The following C8orf34 variants were observed in gnomAD, a reference collection of about 807,000 sequenced individuals.
The protein encoded by C8orf34 is chromosome 8 open reading frame 34.
Under a neutral mutation model 68.3 loss-of-function variants are expected in C8orf34, and 65 were observed. The ratio of observed to expected loss-of-function variants is 0.95; its 90% CI spans 0.78 to 1.17. The LOEUF is 1.17. Among genes scored for constraint, C8orf34 ranks in the 50% most tolerant of loss-of-function variants. The pLI is 0.00. For synonymous variants in C8orf34, 244 were observed against 241.2 expected (o/e 1.01, Z -0.11); for missense variants, 664 against 655.4 (o/e 1.01, Z -0.14).
intron 1 of C8orf34, among the ~76,000 whole-genome samples, chr8:68,431,743 A>G (rs965808464): frequency 6.6e-6 from 1 of 152,216 alleles, no homozygotes; most frequent in African/African-American, 2.4e-5. Flanking sequence ...TCATAATTGG[A>G]TAGTTCTGCT....
chr8:68,468,608 G>A (rs1047446972), intron 3 of C8orf34, 84 bp from the exon 4 acceptor site: 1 of 1,368,890 alleles, frequency 7.3e-7, no homozygotes, highest in Admixed American at 2.1e-5. Flanking sequence ...ATTGATCTTG[G>A]TACAGTCTTT....
chr8:68,389,661 G>A (rs1416537977), intron 1 of C8orf34, among the ~76,000 whole-genome samples: 2 of 152,080 alleles, frequency 1.3e-5, no homozygotes, highest in Non-Finnish European at 2.9e-5. Context: ...TAGGAACTCA[G>A]AATTTATTAG....
At position 68,650,305 on chromosome 8, in the gene C8orf34, G is replaced by A. The variant is rs985932058; in HGVS notation, c.1241+9794G>A. On this transcript the variant is annotated intron_variant, in intron 8 of 13. Coordinates refer to ENST00000518698, the MANE Select transcript of C8orf34 (RefSeq NM_052958.4). The stretch of plus-strand genomic sequence containing the variant: ...ACAAGCAAAAGGAAGAGGAGAGAGG[G>A]GTCCAGAGAGGGGTCCTGGAGAAAA... 9.2e-5 allele frequency among the ~76,000 whole-genome samples: 14 copies of A among 151,890 alleles called. 1 individual carries two copies. Among genetic ancestry groups the A allele is most frequent in the African/African-American group, 3.1e-4 (13 of 41,350 alleles).
intron 9 of C8orf34, among the ~76,000 whole-genome samples, chr8:68,709,712 G>A (rs769946080): frequency 6.6e-6 from 1 of 151,660 alleles, no homozygotes; most frequent in Non-Finnish European, 1.5e-5. Context: ...CCCCTCTTTT[G>A]TTCATTGTTT....
Position 68,689,357 on chromosome 8 carries a change from T to C in C8orf34, c.1242-19637T>C, listed in dbSNP as rs185084322. Reference sequence around the variant, plus strand: ...ACTAAAATCTCAGAAATCACCACTGTAGAATTCATCCATGTAACCAAAAAC... The same window carrying C: ...ACTAAAATCTCAGAAATCACCACTGCAGAATTCATCCATGTAACCAAAAAC... On this transcript the variant is annotated intron_variant, in intron 8 of 13. Coordinates refer to ENST00000518698, the MANE Select transcript of C8orf34 (RefSeq NM_052958.4). 2.5e-3 allele frequency among the ~76,000 whole-genome samples: 377 copies of C among 152,146 alleles called. 4 individuals are homozygous for C. Among genetic ancestry groups the C allele is most frequent in the Non-Finnish European group, 3.6e-3 (247 of 67,968 alleles).
chr8:68,498,861 A>G (rs1197691785), intron 5 of C8orf34, among the ~76,000 whole-genome samples: 4 of 152,224 alleles, frequency 2.6e-5, no homozygotes, highest in African/African-American at 9.6e-5. Flanking sequence ...AAAAGGAATC[A>G]AGTCTCCCTG....
In C8orf34 at chr8:68,815,890, C is replaced by T. The variant is rs145199497; in HGVS notation, c.1554C>T (p.Ser518=). Residue 518 remains serine (S), a synonymous_variant, in exon 13 of 14, where the codon TCC becomes TCT. Transcript: ENST00000518698. ...EGVEAEQEKR[S]ADLLLCVPCS... ...TCTGTTTCTTTTGTTGTGCAGGTTC[C>T]GCTGATCTTCTTCTTTGCGTTCCAT... is the stretch of plus-strand genomic sequence containing the variant. 988 of 1,613,594 alleles carry T rather than the reference C, an allele frequency of 6.1e-4. 1 individual carries two copies. The highest frequency in any genetic ancestry group is 7.6e-4 in the Non-Finnish European group (891 of 1,179,732).
At chr8:68,564,685 A>G (rs536413520) in intron 7 of C8orf34, among the ~76,000 whole-genome samples, 5 of 152,324 alleles carry the variant, frequency 3.3e-5, no homozygotes, top group Admixed American at 3.3e-4. Context: ...GCAAAGGCAG[A>G]GAGCAAAAGA....
In C8orf34 at chr8:68,787,488, T is replaced by G; in HGVS notation, c.1501T>G (p.Leu501Val). 6.2e-7 allele frequency: 1 copy of G among 1,612,828 alleles called. No homozygotes were observed. The stretch of plus-strand genomic sequence containing the variant: ...GCAGGTAGTTCATCAACCATGGATC[T>G]TGCCAAGTGACACAGAAAGTGAAGG... ...QLQVVHQPWI[L>V]PSDTESEGVE... Residue 501 changes from leucine (L) to valine (V), a missense_variant, in exon 12 of 14, where the codon TTG becomes GTG. By Grantham distance (32) the Leu-to-Val change is conservative (BLOSUM62 1). Transcript: ENST00000518698.
intron 2 of C8orf34, among the ~76,000 whole-genome samples, chr8:68,443,831 C>T (rs183791689): frequency 6.6e-6 from 1 of 152,142 alleles, no homozygotes; most frequent in Non-Finnish European, 1.5e-5. Context: ...TGGGACACAA[C>T]ATTTTCTCCT....
chr8:68,662,553 T>G (rs993732781), intron 8 of C8orf34, among the ~76,000 whole-genome samples: 1 of 152,192 alleles, frequency 6.6e-6, no homozygotes, highest in African/African-American at 2.4e-5. Context: ...ACAAGCTCTC[T>G]TGCCTGCTGC....
chr8:68,652,351 C>G (rs1029396348), intron 8 of C8orf34, among the ~76,000 whole-genome samples: 1 of 152,166 alleles, frequency 6.6e-6, no homozygotes, highest in African/African-American at 2.4e-5. Context: ...AATATTTTCT[C>G]ACATTCTGAG....
chr8:68,787,253 ATGAGTTCAGAGTT>A (rs2129528991), intron 11 of C8orf34, among the ~76,000 whole-genome samples, 177 bp from the exon 12 acceptor site: 1 of 152,292 alleles, frequency 6.6e-6, no homozygotes, highest in South Asian at 2.1e-4. Context: ...AATGTAAAAA[ATGAGTTCAGAGTT>A]TGTAGTATGT....
chr8:68,663,624 A>T (rs1819751262), intron 8 of C8orf34, among the ~76,000 whole-genome samples: 1 of 152,010 alleles, frequency 6.6e-6, no homozygotes, highest in Admixed American at 6.6e-5. Context: ...GAGCCAGAGG[A>T]CCCCTGCTAT....
intron 4 of C8orf34, among the ~76,000 whole-genome samples, chr8:68,478,724 G>C (rs1752482568): frequency 1.3e-5 from 2 of 152,162 alleles, no homozygotes. Context: ...TGGCAGGAGA[G>C]AGAATGAAAG....
intron 5 of C8orf34, among the ~76,000 whole-genome samples, chr8:68,518,929 G>A (rs1814635362): frequency 1.3e-5 from 2 of 149,180 alleles, no homozygotes; most frequent in Non-Finnish European, 3.0e-5. Flanking sequence ...AAAAGTGGTA[G>A]ATACAGGGGA....
chr8:68,458,239 A>G (rs1037201398), intron 3 of C8orf34, among the ~76,000 whole-genome samples: 1 of 152,192 alleles, frequency 6.6e-6, no homozygotes, highest in Non-Finnish European at 1.5e-5. Flanking sequence ...ATTGTGCAGC[A>G]TATAATTTTC....
chr8:68,522,088 A>T, intron 6 of C8orf34, 117 bp downstream of exon 6: 1 of 872,020 alleles, frequency 1.1e-6, no homozygotes, highest in Non-Finnish European at 1.7e-6. Flanking sequence ...ATAGAAAATT[A>T]TGTTAGTCTA....
chr8:68,755,935 C>CGG (rs1554608086), intron 10 of C8orf34, among the ~76,000 whole-genome samples: 1 of 151,640 alleles, frequency 6.6e-6, no homozygotes, highest in Non-Finnish European at 1.5e-5. Context: ...GGCGTGATGG[C>CGG]GGGCGCCTGT....
Sources: gnomAD v4.1 joint callset for allele counts (sites outside exome capture counted in the v4.1 genomes callset) on GRCh38, gnomAD v4.1.1 for gene constraint, MANE v1.5 for transcripts, NCBI Gene and HGNC (gene_info 2026-07-23, HGNC 2026-07-21) for gene names.